The following NEB variants were observed in gnomAD, a reference collection of about 807,000 sequenced individuals.
The protein encoded by NEB is nebulin.
A neutral mutation model predicts 952.2 loss-of-function variants in NEB; 512 were observed. The observed-to-expected ratio is 0.54, with a 90% CI of 0.50 to 0.58. NEB has a LOEUF of 0.58. Ranked by LOEUF, NEB falls within the 20% of genes least tolerant of loss-of-function variation. The pLI is 0.00. For synonymous variants in NEB, 2,900 were observed against 3,149.8 expected, an observed-to-expected ratio of 0.92 and a Z score of 2.66; for missense variants, 8,428 against 9,231.1, an observed-to-expected ratio of 0.91 and a Z score of 3.56.
chr2:151,524,298 C>G lies in NEB; in HGVS notation c.22479+13G>C. On this transcript the variant is annotated intron_variant, in intron 153 of 181. Transcript: ENST00000397345. ...CCTCACATGAGAGCCACCAGTGCACCCATCTGCATTACCTGGCTGCTCAGC... is the reference window on the plus strand; with the variant it reads ...CCTCACATGAGAGCCACCAGTGCACGCATCTGCATTACCTGGCTGCTCAGC... 6.2e-7 allele frequency: 1 copy of G among 1,605,284 alleles called. No homozygotes were observed. The highest frequency in any genetic ancestry group is 8.5e-7 in the Non-Finnish European group (1 of 1,172,414).
At position 151,664,869 on chromosome 2, in the gene NEB, A is replaced by G. The variant is rs1390540636; in HGVS notation, c.5239-6T>C. 1.9e-6 allele frequency: 3 copies of G among 1,595,954 alleles called. No homozygotes were observed. Among genetic ancestry groups the G allele is most frequent in the Admixed American group, 1.7e-5 (1 of 59,192 alleles). ...CATTTTTCAGTGTAGAGCCTCTGCAATGAGAAAGTCAGGTGCATGATTTTA... is the reference window on the plus strand; with the variant it reads ...CATTTTTCAGTGTAGAGCCTCTGCAGTGAGAAAGTCAGGTGCATGATTTTA... On this transcript the variant is annotated splice_region_variant and splice_polypyrimidine_tract_variant and intron_variant, in intron 42 of 181. Coordinates refer to ENST00000397345, the MANE Select transcript of NEB (RefSeq NM_001164508.2).
Position 151,640,386 on chromosome 2 carries a change from T to C in NEB, c.8654A>G (p.His2885Arg), listed in dbSNP as rs1399497706. ...CTGGAGGTCATAGGCCTGCCGAGCA[T>C]GGATGACGTCGCTCTGGTCGGGCAG... ...TCLPDQSDVIHARQAYDLQSD... is the reference protein window; with the variant it reads ...TCLPDQSDVIRARQAYDLQSD... Residue 2885 changes from histidine (H) to arginine (R), a missense_variant, in exon 61 of 182, where the codon CAT becomes CGT. By Grantham distance (29) the His-to-Arg change is conservative. Transcript: ENST00000397345. The C allele has an allele frequency of 6.2e-7, 1 of 1,613,974 alleles. No individual in the cohort carries two copies. Among genetic ancestry groups the C allele is most frequent in the South Asian group, 1.1e-5 (1 of 91,082 alleles).
Position 151,607,165 on chromosome 2 carries a change from T to C in NEB, c.12639+339A>G, listed in dbSNP as rs189132567. Among the ~76,000 whole-genome samples, 796 of 103,894 alleles carry C rather than the reference T, an allele frequency of 7.7e-3. 105 individuals carry two copies. Among genetic ancestry groups the C allele is most frequent in the African/African-American group, 0.019 (756 of 39,182 alleles). 68.2% of individuals were successfully genotyped at this position (103,894 alleles called of 152,430 possible). A position where few individuals can be genotyped will look rare whatever the true frequency, so the allele number is the denominator to read the frequency against. ...CATCTGGATGTAAATAGAAATGGTC[T>C]TTTGTCTTTCTTATGGCCTTGAAAT... On this transcript the variant is annotated intron_variant, in intron 83 of 181. Coordinates refer to ENST00000397345, the MANE Select transcript of NEB (RefSeq NM_001164508.2).
intron 54 of NEB, among the ~76,000 whole-genome samples, chr2:151,647,501 G>A (rs2098976074): frequency 6.6e-6 from 1 of 152,150 alleles, no homozygotes; most frequent in Non-Finnish European, 1.5e-5. Flanking sequence ...GGATAAAATG[G>A]TTACTCAACA....
In NEB at chr2:151,570,466, A is replaced by T. The variant is rs757330264; in HGVS notation, c.17118+31T>A. The T allele has an allele frequency of 6.1e-5, 96 of 1,584,410 alleles. 2 individuals carry two copies. The Admixed American group carries it at 1.8e-3, about 30-fold the overall frequency. On this transcript the variant is annotated intron_variant, in intron 108 of 181. Coordinates refer to ENST00000397345, the MANE Select transcript of NEB (RefSeq NM_001164508.2). ...GCACCTAGGGCATCGGCTGAAAAAA[A>T]AAAACTGAGAAGTTAAAAAAGGCCA...
At chr2:151,615,839 T>C in intron 76 of NEB, 163 bp downstream of exon 76, 1 of 611,356 alleles carries the variant, frequency 1.6e-6, no homozygotes, top group South Asian at 2.2e-5. Flanking sequence ...GTCTAGAATT[T>C]TGTGCTTTTC....
chr2:151,516,550 T>G lies in NEB; in HGVS notation c.22814A>C (p.Glu7605Ala). The G allele has an allele frequency of 6.2e-7, 1 of 1,607,802 alleles. No individual in the cohort carries two copies. The change falls in exon 157 of 182, where the codon GAA (glutamate) becomes GCA (alanine). Residue 7605 changes from glutamate (E) to alanine (A), a missense_variant. This residue lies in a region of NEB where 3,374 missense variants were observed against 3,651.5 expected (regional missense o/e 0.92). Coordinates refer to ENST00000397345, the MANE Select transcript of NEB (RefSeq NM_001164508.2). ...TTTTCCTCGTTCCTTTTCATACTTT[T>G]CTTTGTATTTCACCTGGTGATAGAA... is the stretch of plus-strand genomic sequence containing the variant. ...TELQSIVKYK[E>A]KYEKERGKPM...
chr2:151,650,213 A>C lies in NEB; in HGVS notation c.7394T>G (p.Ile2465Arg), dbSNP rs377372435. 1 of 1,613,928 alleles carries C rather than the reference A, an allele frequency of 6.2e-7. No homozygotes were observed. The highest frequency in any genetic ancestry group is 8.5e-7 in the Non-Finnish European group (1 of 1,179,858). Residue 2465 changes from isoleucine (I) to arginine (R), a missense_variant, in exon 54 of 182, where the codon ATA becomes AGA. By Grantham distance (97) the Ile-to-Arg change is moderately conservative. Transcript: ENST00000397345. ...TTTGGCATTTGTCTTTGCCAGAACT[A>C]TATCCATGGCATCAGGAATGCTGGT... ...KFTSIPDAMD[I>R]VLAKTNAKNR... is the part of the protein sequence containing the mutation.
intron 165 of NEB, among the ~76,000 whole-genome samples, chr2:151,505,055 T>TAC (rs927487846): frequency 6.6e-6 from 1 of 152,156 alleles, no homozygotes; most frequent in African/African-American, 2.4e-5. Flanking sequence ...GTGTCATACA[T>TAC]ACACACACAC....
intron 105 of NEB, among the ~76,000 whole-genome samples, chr2:151,578,663 C>CAAGGAGGG (rs1429051077): frequency 7.6e-6 from 1 of 131,986 alleles, no homozygotes; most frequent in Non-Finnish European, 1.6e-5. Context: ...GGGAAAGAGA[C>CAAGGAGGG]AAGGAGGGAA....
chr2:151,554,600 C>G (rs1189746078), intron 125 of NEB, among the ~76,000 whole-genome samples: 1 of 152,124 alleles, frequency 6.6e-6, no homozygotes, highest in African/African-American at 2.4e-5. Flanking sequence ...TAATACATGG[C>G]TATTTTACTT....
At chr2:151,531,753 C>T (rs772586083) in intron 144 of NEB, 39 bp downstream of exon 144, 2 of 1,465,126 alleles carry the variant, frequency 1.4e-6, no homozygotes, top group Non-Finnish European at 1.9e-6. Flanking sequence ...GCAGATGCCC[C>T]CTGAGTTTGA....
intron 13 of NEB, 60 bp from the exon 14 acceptor site, chr2:151,697,708 C>A: frequency 9.5e-7 from 1 of 1,055,180 alleles, no homozygotes; most frequent in South Asian, 1.5e-5. Flanking sequence ...CTGATTATAA[C>A]ACTTACATTT....
chr2:151,634,725 T>TTTA (rs373866669), intron 64 of NEB, among the ~76,000 whole-genome samples: 6 of 151,812 alleles, frequency 4.0e-5, no homozygotes, highest in African/African-American at 4.8e-5. Flanking sequence ...CCGAGGAGAA[T>TTTA]TTATTATTAT....
chr2:151,522,553 C>T (rs2153424397), intron 153 of NEB, among the ~76,000 whole-genome samples: 2 of 152,258 alleles, frequency 1.3e-5, no homozygotes, highest in Middle Eastern at 6.8e-3. Context: ...AAGTTTCATG[C>T]AGGAAAAGAA....
In NEB at chr2:151,636,334, T is replaced by C. The variant is rs781553802; in HGVS notation, c.8995A>G (p.Ser2999Gly). The C allele has an allele frequency of 1.2e-6, 2 of 1,601,626 alleles. No homozygotes were observed. The highest frequency in any genetic ancestry group is 2.2e-5 in the South Asian group (2 of 90,468). The change falls in exon 64 of 182, where the codon AGT (serine) becomes GGT (glycine). Residue 2999 changes from serine to glycine, a missense_variant and splice_region_variant. Physicochemically the swap from Ser to Gly is moderately conservative, Grantham distance 56 (BLOSUM62 0). Transcript: ENST00000397345. ...ARMNKINYSE[S>G]LYKLANEEAK... ...TCTTCATTAGCAAGTTTGTACAGAC[T>C]CTAAATTTGGGGGAAAAAAAATCAG...
rs1228998802 is a variant in NEB, at chr2:151,546,015, A to AAC, written c.20467-18_20467-17insGT. 2 of 1,420,442 alleles carry AAC rather than the reference A, an allele frequency of 1.4e-6. No homozygotes were observed. Among genetic ancestry groups the AAC allele is most frequent in the Non-Finnish European group, 1.9e-6 (2 of 1,030,310 alleles). The allele number at this position is 1,420,442 out of a possible 1,614,324, so 88.0% of individuals were successfully genotyped here. A position where few individuals can be genotyped will look rare whatever the true frequency, so the allele number is the denominator to read the frequency against. ...GTAATTAGACTTAAAAAAAAAAAAA[A>AAC]AAACAGAAATACAAGTTGATTAATC... On this transcript the variant is annotated splice_polypyrimidine_tract_variant and intron_variant, in intron 134 of 181. Transcript: ENST00000397345.
chr2:151,490,494 T>G lies in NEB; in HGVS notation c.25175A>C (p.Glu8392Ala). 6.2e-7 allele frequency: 1 copy of G among 1,609,432 alleles called. No individual in the cohort carries two copies. The highest frequency in any genetic ancestry group is 8.5e-7 in the Non-Finnish European group (1 of 1,177,962). Residue 8392 changes from glutamate (E) to alanine (A), a missense_variant, in exon 180 of 182, where the codon GAG (glutamate) becomes GCG (alanine). Around this residue, in one of 11 missense-constraint regions of NEB, gnomAD observed 3,374 missense variants for 3,651.5 expected, o/e 0.92. Transcript: ENST00000397345. The stretch of plus-strand genomic sequence containing the variant: ...TAGTGCACTGGCAGATCGTGACTGC[T>G]CCCGGCTCCGGCGCTGAGCTTGGAC... ...INVQAQRRSR[E>A]QSRSASALSI...
At chr2:151,614,704 G>T in intron 76 of NEB, 117 bp from the exon 77 acceptor site, 1 of 1,225,458 alleles carries the variant, frequency 8.2e-7, no homozygotes, top group Non-Finnish European at 1.1e-6. Flanking sequence ...AAGGAGAAAA[G>T]TGAGTATCAT....
Sources: allele counts gnomAD v4.1 joint callset (sites outside exome capture counted in the v4.1 genomes callset), GRCh38; gene constraint gnomAD v4.1.1; regional missense constraint gnomAD v4.1.1; transcripts MANE v1.5; gene names NCBI Gene and HGNC (gene_info 2026-07-23, HGNC 2026-07-21).